Variants in CCDC40 observed in about 807,000 individuals in gnomAD.
CCDC40 encodes coiled-coil domain 40 molecular ruler complex subunit, also known as coiled-coil domain-containing protein 40.
CCDC40 carries 104 observed loss-of-function variants against 124.5 expected under a neutral mutation model. The observed-to-expected ratio is 0.84, with a 90% CI of 0.71 to 0.98. The LOEUF is 0.98. CCDC40 is among the 50% of genes least tolerant of loss of function. The pLI, the probability that CCDC40 is intolerant of heterozygous loss-of-function variation, is 0.00. For synonymous variants in CCDC40, 580 were observed against 602.9 expected, an observed-to-expected ratio of 0.96 and a Z score of 0.56; for missense variants, 1,463 against 1,503.9, an observed-to-expected ratio of 0.97 and a Z score of 0.45.
At chr17:80,099,451 C>G (rs2038873839) in intron 19 of CCDC40, 76 bp from the exon 20 acceptor site, 1 of 1,548,488 alleles carries the variant, frequency 6.5e-7, no homozygotes, top group Non-Finnish European at 8.8e-7. Context: ...TTCCTGGAAT[C>G]TGAGTTTGTG....
At position 80,084,922 on chromosome 17, in the gene CCDC40, C is replaced by A; in HGVS notation, c.2169C>A (p.Ile723=). The change falls in exon 13 of 20, where the codon ATC becomes ATA. Residue 723 remains isoleucine (I), a synonymous_variant. Transcript: ENST00000397545. The part of the protein sequence containing the change: ...QSEISRRTIL[I]ERKQGLINFL... ...AGATCTCCCGGCGCACGATCCTGATCGAGAGGAAGCAAGGGCTCATCAACT... is the reference window on the plus strand; with the variant it reads ...AGATCTCCCGGCGCACGATCCTGATAGAGAGGAAGCAAGGGCTCATCAACT... 6.2e-7 allele frequency: 1 copy of A among 1,614,032 alleles called. No individual in the cohort carries two copies. Among genetic ancestry groups the A allele is most frequent in the Non-Finnish European group, 8.5e-7 (1 of 1,180,014 alleles).
Position 80,066,132 on chromosome 17 carries a change from A to G in CCDC40, c.1562+526A>G, listed in dbSNP as rs1224766058. On this transcript the variant is annotated intron_variant, in intron 10 of 19. Coordinates refer to ENST00000397545, the MANE Select transcript of CCDC40 (RefSeq NM_017950.4). The surrounding 1 kb of genome is among the most constrained non-coding windows in gnomAD (Gnocchi z 4.4). ...TTCATTCCTAAAACCACCCAGGGTGACCAGGTCTCGGGACGCGGAAAGAAA... is the reference window on the plus strand; with the variant it reads ...TTCATTCCTAAAACCACCCAGGGTGGCCAGGTCTCGGGACGCGGAAAGAAA... 2.8e-6 allele frequency: 2 copies of G among 702,754 alleles called. No individual in the cohort carries two copies. Among genetic ancestry groups the G allele is most frequent in the Non-Finnish European group, 5.2e-6 (2 of 384,918 alleles). The allele number at this position is 702,754 out of a possible 1,614,324, so 43.5% of individuals were successfully genotyped here.
Position 80,081,890 on chromosome 17 carries a change from C to A in CCDC40, c.1821C>A (p.Leu607=). Residue 607 remains leucine, a synonymous_variant, in exon 12 of 20, where the codon CTC becomes CTA. Transcript: ENST00000397545. ...CTTGTCTCCAGGAACAAATGATACTCACGGAGGAGTTGCAGGCCATCCGCC... is the reference window on the plus strand; with the variant it reads ...CTTGTCTCCAGGAACAAATGATACTAACGGAGGAGTTGCAGGCCATCCGCC... ...LSQDQLEQMI[L]TEELQAIRQA... The A allele has an allele frequency of 6.2e-7, 1 of 1,614,108 alleles. No individual in the cohort carries two copies. Among genetic ancestry groups the A allele is most frequent in the Non-Finnish European group, 8.5e-7 (1 of 1,180,026 alleles).
Position 80,048,775 on chromosome 17 carries a change from C to T in CCDC40, c.855+14C>T. ...GACCCAGACCACGTAAGGAAGCCTT[C>T]CCAGGTTTTGCTTTTGCCTACATGG... On this transcript the variant is annotated intron_variant, in intron 5 of 19. Transcript: ENST00000397545. 1 of 1,596,380 alleles carries T rather than the reference C, an allele frequency of 6.3e-7. No individual in the cohort carries two copies. Among genetic ancestry groups the T allele is most frequent in the Non-Finnish European group, 8.5e-7 (1 of 1,171,416 alleles).
intron 10 of CCDC40, among the ~76,000 whole-genome samples, chr17:80,078,143 A>G (rs998144498): frequency 1.4e-4 from 22 of 151,976 alleles, no homozygotes; most frequent in Non-Finnish European, 2.4e-4. Flanking sequence ...CATCCTGGCT[A>G]ACACGGTGAA....
rs748068567 is a variant in CCDC40 at position 80,040,192 on chromosome 17, C to A, written c.474C>A (p.Ser158=). The part of the protein sequence containing the change: ...PPESRERRVT[S]PEPSHGVLGP... ...AATCCAGAGAAAGGAGGGTCACCTC[C>A]CCAGAGCCATCCCACGGAGTCTTAG... Residue 158 remains serine, a synonymous_variant, in exon 3 of 20, where the codon TCC becomes TCA. Coordinates refer to ENST00000397545, the MANE Select transcript of CCDC40 (RefSeq NM_017950.4). The A allele has an allele frequency of 5.0e-6, 8 of 1,614,000 alleles. No homozygotes were observed. In the South Asian group the frequency reaches 8.8e-5, roughly 18 times the overall value.
Position 80,065,473 on chromosome 17 carries a change from T to C in CCDC40, c.1441-12T>C. ...AGACAGCCATTCCTGCCCCCTCCCC[T>C]GTTGGCTGCAGGCCTGCACCGAGAT... On this transcript the variant is annotated splice_polypyrimidine_tract_variant and intron_variant, in intron 9 of 19. Transcript: ENST00000397545. 6.2e-7 allele frequency: 1 copy of C among 1,612,880 alleles called. No individual in the cohort carries two copies. Among genetic ancestry groups the C allele is most frequent in the Non-Finnish European group, 8.5e-7 (1 of 1,179,860 alleles).
chr17:80,036,782 T>C (rs2037071663), intron 1 of CCDC40, 91 bp downstream of exon 1: 1 of 1,203,400 alleles, frequency 8.3e-7, no homozygotes, highest in Non-Finnish European at 1.1e-6. Context: ...GGCTCCTGCC[T>C]CGCCCCTTCG....
At chr17:80,049,780 G>A (rs1376752948) in intron 5 of CCDC40, 126 bp from the exon 6 acceptor site, 1 of 763,388 alleles carries the variant, frequency 1.3e-6, no homozygotes, top group African/African-American at 1.7e-5. Flanking sequence ...GCAGAAGCAG[G>A]GAGCACTCCA....
chr17:80,061,386 C>A (rs988156119), intron 9 of CCDC40, among the ~76,000 whole-genome samples: 1 of 152,140 alleles, frequency 6.6e-6, no homozygotes, highest in Admixed American at 6.6e-5. Flanking sequence ...GACAATCACA[C>A]CCTCAATAAA....
intron 4 of CCDC40, among the ~76,000 whole-genome samples, chr17:80,047,740 C>T (rs1414619965): frequency 1.3e-5 from 2 of 152,164 alleles, no homozygotes; most frequent in Admixed American, 1.3e-4. Flanking sequence ...AGCCATTTCT[C>T]ACGGGCTCCT....
intron 10 of CCDC40, among the ~76,000 whole-genome samples, chr17:80,073,789 G>C (rs2038248845): frequency 6.6e-6 from 1 of 152,054 alleles, no homozygotes; most frequent in South Asian, 2.1e-4. Flanking sequence ...TCTACCTCCC[G>C]GGTTCAAGCG....
At chr17:80,042,178 G>A (rs562144951) in intron 3 of CCDC40, among the ~76,000 whole-genome samples, 1 of 152,232 alleles carries the variant, frequency 6.6e-6, no homozygotes, top group East Asian at 1.9e-4. Flanking sequence ...GAGTGCAGTG[G>A]CATGATCTTG....
At chr17:80,072,422 T>G (rs1345995054) in intron 10 of CCDC40, among the ~76,000 whole-genome samples, 3 of 152,142 alleles carry the variant, frequency 2.0e-5, no homozygotes, top group Non-Finnish European at 2.9e-5. Flanking sequence ...TTTCCCCGAG[T>G]GTTAGGAGTT....
chr17:80,097,509 T>A, intron 19 of CCDC40, 106 bp downstream of exon 19: 3 of 1,183,716 alleles, frequency 2.5e-6, no homozygotes, highest in Non-Finnish European at 3.6e-6. Flanking sequence ...CCTGATCAGG[T>A]CACGGCCTCT....
chr17:80,043,447 T>C (rs147683917), intron 3 of CCDC40, among the ~76,000 whole-genome samples: 18 of 152,216 alleles, frequency 1.2e-4, no homozygotes, highest in Non-Finnish European at 2.1e-4. Flanking sequence ...CATTTATACA[T>C]ACACCATGTA....
rs1340443712 is a variant in CCDC40 at position 80,056,005 on chromosome 17, TATA to T, written c.1160-2488_1160-2486del. On this transcript the variant is annotated intron_variant, in intron 7 of 19. Coordinates refer to ENST00000397545, the MANE Select transcript of CCDC40 (RefSeq NM_017950.4). ...TCATATATATATATATATATATATA[TATA>T]TATATATATTTTTTTTTTTTTTTGG... is the stretch of plus-strand genomic sequence containing the variant. Among the ~76,000 whole-genome samples the T allele has an allele frequency of 2.5e-3, 70 of 28,480 alleles. 2 individuals carry two copies. The highest frequency in any genetic ancestry group is 4.8e-3 in the Non-Finnish European group (61 of 12,730). The allele number at this position is 28,480 out of a possible 152,430, so 18.7% of individuals were successfully genotyped here.
Position 80,058,741 on chromosome 17 carries a change from C to T in CCDC40, c.1317+90C>T, listed in dbSNP as rs114988722. On this transcript the variant is annotated intron_variant, in intron 8 of 19. Coordinates refer to ENST00000397545, the MANE Select transcript of CCDC40 (RefSeq NM_017950.4). This position sits in a 1 kb window ranked among gnomAD's most constrained non-coding sequence, Gnocchi z 4.2. ...GCTTTGCCTCCTGCGTGAAGGCTTC[C>T]GGCCGGAGGGGTGGCGGCCGGCCTG... 2,358 of 1,601,480 alleles carry T rather than the reference C, an allele frequency of 1.5e-3. 18 individuals carry two copies. The African/African-American group carries it at 0.017, about 12-fold the overall frequency.
At position 80,068,174 on chromosome 17, in the gene CCDC40, C is replaced by A. The variant is rs188900717; in HGVS notation, c.1562+2568C>A. The A allele has an allele frequency of 4.5e-3, 769 of 169,028 alleles. 3 individuals carry two copies. The highest frequency in any genetic ancestry group is 0.011 in the Admixed American group (166 of 15,312). The allele number at this position is 169,028 out of a possible 1,614,324, so 10.5% of individuals were successfully genotyped here. ...TCAGCCTCCCAAGTAGCTGGGATTA[C>A]AGGCGTGCACCACCACGCCTGGCTA... On this transcript the variant is annotated intron_variant, in intron 10 of 19. Transcript: ENST00000397545.
Sources: gnomAD v4.1 joint callset for allele counts (sites outside exome capture counted in the v4.1 genomes callset) on GRCh38, gnomAD v4.1.1 for gene constraint, Gnocchi (gnomAD v3.1) non-coding constraint, MANE v1.5 for transcripts, NCBI Gene and HGNC (gene_info 2026-07-23, HGNC 2026-07-21) for gene names.